Variants in STOX2 observed in about 807,000 individuals in gnomAD.
STOX2 encodes storkhead box 2.
In STOX2, 28 loss-of-function variants were observed where a neutral mutation model predicts 60.9. The observed-to-expected ratio is 0.46, with a 90% CI of 0.34 to 0.63. The LOEUF (loss-of-function observed/expected upper bound fraction) is 0.63. Among genes scored for constraint, STOX2 ranks in the 30% least tolerant of loss-of-function variants. The pLI is 0.01. For synonymous variants in STOX2, 472 were observed against 463.9 expected, an observed-to-expected ratio of 1.02 and a Z score of -0.22; for missense variants, 1,024 against 1,187.7, an observed-to-expected ratio of 0.86 and a Z score of 2.03.
At chr4:183,857,280 CTTG>C (rs1424566475) in intron 1 of STOX2, among the ~76,000 whole-genome samples, 2,351 of 107,336 alleles carry the variant, frequency 0.022, 13 homozygotes, top group East Asian at 0.038. Context: ...GACTGGTCAT[CTTG>C]CAGGACTGGT....
intron 1 of STOX2, among the ~76,000 whole-genome samples, chr4:183,846,332 T>C (rs559448932): frequency 2.0e-5 from 3 of 152,240 alleles, no homozygotes; most frequent in Admixed American, 1.3e-4. Context: ...TGTAGATTCA[T>C]GCTTGGCCAT....
chr4:183,897,965 C>T (rs778303414), intron 1 of STOX2, among the ~76,000 whole-genome samples: 3 of 152,014 alleles, frequency 2.0e-5, no homozygotes, highest in African/African-American at 7.3e-5. Context: ...CTGATTATCA[C>T]GTTCCTTTTT....
intron 1 of STOX2, among the ~76,000 whole-genome samples, chr4:183,874,103 G>T (rs575206282): frequency 8.7e-4 from 132 of 152,248 alleles, no homozygotes; most frequent in Non-Finnish European, 1.5e-3. Flanking sequence ...CTAAGAGATG[G>T]GCATTCTGAC....
At chr4:183,858,615 A>T (rs2111150970) in intron 1 of STOX2, among the ~76,000 whole-genome samples, 1 of 152,334 alleles carries the variant, frequency 6.6e-6, no homozygotes, top group African/African-American at 2.4e-5. Context: ...GGAAGGAAGG[A>T]AGGAAGGAAG....
At chr4:183,922,060 C>G (rs527581747) in intron 1 of STOX2, among the ~76,000 whole-genome samples, 2 of 152,106 alleles carry the variant, frequency 1.3e-5, no homozygotes, top group Admixed American at 6.5e-5. Flanking sequence ...TATTGTCTTC[C>G]TCTTTCTAAT....
chr4:183,811,921 AG>A (rs1386995846), intron 1 of STOX2, among the ~76,000 whole-genome samples: 1 of 144,806 alleles, frequency 6.9e-6, no homozygotes, highest in Non-Finnish European at 1.5e-5. Flanking sequence ...CTAGTGAGAA[AG>A]CCTGGATTTT....
chr4:183,977,846 A>C (rs1423295410), intron 1 of STOX2, among the ~76,000 whole-genome samples: 2 of 152,126 alleles, frequency 1.3e-5, no homozygotes, highest in Non-Finnish European at 2.9e-5. Flanking sequence ...TCCTCACAAC[A>C]TCTGTTGATC....
chr4:183,961,560 A>G (rs1338087653), intron 1 of STOX2, among the ~76,000 whole-genome samples: 6 of 152,166 alleles, frequency 3.9e-5, no homozygotes, highest in Admixed American at 3.9e-4. Context: ...TCTTTTATAT[A>G]TTCATTTTTT....
Position 184,020,520 on chromosome 4 carries a change from G to C in STOX2, c.*3236G>C, listed in dbSNP as rs1393974022. Reference sequence around the variant, plus strand: ...ACAAGCAATGTGGACTGCCAAGCTTGAAGCACTTCGGGCTCTGCCTTCACT... The same window carrying C: ...ACAAGCAATGTGGACTGCCAAGCTTCAAGCACTTCGGGCTCTGCCTTCACT... On this transcript the variant is annotated 3_prime_UTR_variant, in exon 4 of 4. Transcript: ENST00000308497. The C allele has an allele frequency of 6.6e-6, 1 of 152,188 alleles. No homozygotes were observed. The highest frequency in any genetic ancestry group is 6.5e-5 in the Admixed American group (1 of 15,282). 9.4% of individuals were successfully genotyped at this position (152,188 alleles called of 1,614,324 possible).
intron 1 of STOX2, among the ~76,000 whole-genome samples, chr4:183,927,477 A>T (rs573214703): frequency 6.6e-6 from 1 of 152,076 alleles, no homozygotes; most frequent in Admixed American, 6.5e-5. Context: ...CCTCTAAAAA[A>T]GGGTCATTTA....
At chr4:183,819,219 G>A (rs1453761926) in intron 1 of STOX2, among the ~76,000 whole-genome samples, 1 of 152,114 alleles carries the variant, frequency 6.6e-6, no homozygotes, top group Non-Finnish European at 1.5e-5. Context: ...GTTGTAGAGA[G>A]CCGAGATCAC....
At chr4:183,956,200 C>G (rs1743242093) in intron 1 of STOX2, among the ~76,000 whole-genome samples, 2 of 152,142 alleles carry the variant, frequency 1.3e-5, no homozygotes, top group South Asian at 4.1e-4. Flanking sequence ...TGTTTTACAC[C>G]TCGCCGTTAA....
At chr4:183,818,900 C>G (rs1447768972) in intron 1 of STOX2, among the ~76,000 whole-genome samples, 1 of 151,686 alleles carries the variant, frequency 6.6e-6, no homozygotes, top group Non-Finnish European at 1.5e-5. Context: ...GCGTCACTTC[C>G]TAGATGGGAT....
intron 1 of STOX2, among the ~76,000 whole-genome samples, chr4:183,827,205 G>A (rs1739454637): frequency 6.6e-6 from 1 of 152,162 alleles, no homozygotes; most frequent in African/African-American, 2.4e-5. Context: ...GTCATTTATA[G>A]AAATGGAATA....
intron 1 of STOX2, among the ~76,000 whole-genome samples, chr4:183,929,067 A>G (rs1363706133): frequency 2.0e-5 from 3 of 152,248 alleles, no homozygotes; most frequent in African/African-American, 7.2e-5. Flanking sequence ...TGCCGTCTTA[A>G]TTTTAATACA....
intron 1 of STOX2, among the ~76,000 whole-genome samples, chr4:183,984,361 T>C (rs1366167122): frequency 6.6e-6 from 1 of 152,210 alleles, no homozygotes; most frequent in African/African-American, 2.4e-5. Flanking sequence ...TCCTCCCCTT[T>C]GAAATACACT....
intron 1 of STOX2, among the ~76,000 whole-genome samples, chr4:183,951,584 G>A (rs1743095015): frequency 6.6e-6 from 1 of 151,220 alleles, no homozygotes; most frequent in Non-Finnish European, 1.5e-5. Context: ...TCAAGCAGCT[G>A]GGATTACAGG....
chr4:183,981,600 C>G (rs1393538049), intron 1 of STOX2, among the ~76,000 whole-genome samples: 3 of 152,118 alleles, frequency 2.0e-5, no homozygotes, highest in African/African-American at 7.2e-5. Flanking sequence ...TAGAATCTGG[C>G]TTTTTAACTG....
intron 1 of STOX2, among the ~76,000 whole-genome samples, chr4:183,910,857 G>C (rs1302020617): frequency 1.3e-5 from 2 of 152,180 alleles, no homozygotes; most frequent in Non-Finnish European, 2.9e-5. Flanking sequence ...TCATCACCTT[G>C]ATTAGTTTAT....
Sources: allele counts gnomAD v4.1 joint callset (sites outside exome capture counted in the v4.1 genomes callset), GRCh38; gene constraint gnomAD v4.1.1; transcripts MANE v1.5; gene names NCBI Gene and HGNC (gene_info 2026-07-23, HGNC 2026-07-21).